The following RIMS2 variants were observed in gnomAD, a reference collection of about 807,000 sequenced individuals.
RIMS2 encodes regulating synaptic membrane exocytosis 2.
Under a neutral mutation model 174.4 loss-of-function variants are expected in RIMS2, and 59 were observed. That is an observed-to-expected ratio of 0.34 (90% CI 0.27 to 0.42). RIMS2 has a LOEUF of 0.42. Ranked by LOEUF, RIMS2 falls within the 10% of genes least tolerant of loss-of-function variation. The pLI, the probability that RIMS2 is intolerant of heterozygous loss-of-function variation, is 1.00. For missense variants in RIMS2, 1,620 were observed against 1,666.3 expected (o/e 0.97, Z 0.48); for synonymous variants, 606 against 572.5 (o/e 1.06, Z -0.84).
chr8:103,830,911 C>G (rs1193284859), intron 3 of RIMS2, among the ~76,000 whole-genome samples: 2 of 152,152 alleles, frequency 1.3e-5, no homozygotes, highest in Non-Finnish European at 2.9e-5. Flanking sequence ...CATGCTCAAG[C>G]AATCCTCCCA....
At chr8:103,592,693 A>G (rs560341898) in intron 1 of RIMS2, among the ~76,000 whole-genome samples, 3 of 151,506 alleles carry the variant, frequency 2.0e-5, no homozygotes, top group South Asian at 4.1e-4. Flanking sequence ...TTATATTTAC[A>G]TCTGGTGCAG....
intron 19 of RIMS2, among the ~76,000 whole-genome samples, chr8:104,194,488 A>G (rs556173689): frequency 6.6e-6 from 1 of 152,314 alleles, no homozygotes; most frequent in South Asian, 2.1e-4. Context: ...CGCTTTAGAT[A>G]TAGGGTGGGG....
chr8:103,993,492 C>T (rs939195237), intron 17 of RIMS2, among the ~76,000 whole-genome samples: 2 of 152,106 alleles, frequency 1.3e-5, no homozygotes, highest in Non-Finnish European at 2.9e-5. Flanking sequence ...GTAACTCGTA[C>T]TCATAACTAT....
At chr8:103,723,639 A>G (rs1316463478) in intron 2 of RIMS2, among the ~76,000 whole-genome samples, 1 of 152,146 alleles carries the variant, frequency 6.6e-6, no homozygotes, top group Non-Finnish European at 1.5e-5. Context: ...GGGTGCTGGC[A>G]TGGAGTCTGT....
intron 3 of RIMS2, among the ~76,000 whole-genome samples, chr8:103,861,364 C>A (rs1253418632): frequency 6.6e-6 from 1 of 152,098 alleles, no homozygotes; most frequent in African/African-American, 2.4e-5. Context: ...ACCACATTTT[C>A]TTTATACAAT....
At chr8:103,625,545 A>G (rs1164235967) in intron 1 of RIMS2, among the ~76,000 whole-genome samples, 1 of 152,186 alleles carries the variant, frequency 6.6e-6, no homozygotes, top group Non-Finnish European at 1.5e-5. Context: ...TAATTTGTTT[A>G]GTCCTCACAA....
intron 19 of RIMS2, among the ~76,000 whole-genome samples, chr8:104,196,641 AG>A (rs1033684926): frequency 1.3e-5 from 2 of 152,154 alleles, no homozygotes; most frequent in Non-Finnish European, 2.9e-5. Flanking sequence ...ACTGTGGTAC[AG>A]GATGTGTTTG....
At chr8:103,644,776 GT>G (rs2096293251) in intron 1 of RIMS2, among the ~76,000 whole-genome samples, 1 of 151,350 alleles carries the variant, frequency 6.6e-6, no homozygotes, top group South Asian at 2.1e-4. Context: ...ATATATAGAT[GT>G]TTTTACAAAA....
chr8:103,779,108 T>G (rs2098354605), intron 3 of RIMS2, among the ~76,000 whole-genome samples: 2 of 152,222 alleles, frequency 1.3e-5, no homozygotes, highest in Non-Finnish European at 2.9e-5. Context: ...GGTTTTTTGC[T>G]ACTGAGTTGT....
chr8:104,023,104 C>A (rs551190649), intron 19 of RIMS2, among the ~76,000 whole-genome samples: 1 of 152,088 alleles, frequency 6.6e-6, no homozygotes, highest in African/African-American at 2.4e-5. Flanking sequence ...TAAGGGAGGA[C>A]ATTGTTTTTT....
At chr8:103,730,851 A>G (rs2097583338) in intron 2 of RIMS2, among the ~76,000 whole-genome samples, 3 of 152,124 alleles carry the variant, frequency 2.0e-5, no homozygotes, top group African/African-American at 7.2e-5. Flanking sequence ...TTCACTGTGT[A>G]TTAGTTCATT....
intron 2 of RIMS2, among the ~76,000 whole-genome samples, chr8:103,723,636 G>A (rs2138545562): frequency 6.6e-6 from 1 of 152,316 alleles, no homozygotes; most frequent in Non-Finnish European, 1.5e-5. Context: ...TGTGGGTGCT[G>A]GCATGGAGTC....
intron 16 of RIMS2, among the ~76,000 whole-genome samples, chr8:103,981,008 C>G (rs1281863086): frequency 6.6e-6 from 1 of 152,196 alleles, no homozygotes; most frequent in Non-Finnish European, 1.5e-5. Context: ...GAACTTACCA[C>G]CCCGAAGAGA....
At chr8:103,733,968 T>C (rs2139018486) in intron 2 of RIMS2, among the ~76,000 whole-genome samples, 1 of 151,510 alleles carries the variant, frequency 6.6e-6, no homozygotes, top group African/African-American at 2.4e-5. Flanking sequence ...GAATGATCAC[T>C]GGAGGCTTCT....
chr8:104,062,406 C>G (rs138618812), intron 19 of RIMS2, among the ~76,000 whole-genome samples: 25 of 152,120 alleles, frequency 1.6e-4, no homozygotes, highest in African/African-American at 5.8e-4. Flanking sequence ...AACTCCATCT[C>G]AAAAAAATTT....
At chr8:103,780,183 C>T (rs1206689619) in intron 3 of RIMS2, among the ~76,000 whole-genome samples, 1 of 152,026 alleles carries the variant, frequency 6.6e-6, no homozygotes, top group Non-Finnish European at 1.5e-5. Context: ...TCTCTTTATC[C>T]TTTACCTTTG....
In RIMS2 at chr8:104,042,805, G is replaced by A. The variant is rs138592885; in HGVS notation, c.3334+28190G>A. 9.1e-4 allele frequency among the ~76,000 whole-genome samples: 138 copies of A among 151,502 alleles called. No homozygotes were observed. In the Middle Eastern group the frequency reaches 0.024, roughly 26 times the overall value. On this transcript the variant is annotated intron_variant, in intron 19 of 23. Coordinates refer to ENST00000504942, the Ensembl canonical transcript of RIMS2. ...GTCTGGAATTCAGGAGAGAAGTCTG[G>A]GCTAGAGACATAGATTAGGGTAGCA...
At chr8:104,094,398 T>G (rs1432235295) in intron 19 of RIMS2, 1 of 579,352 alleles carries the variant, frequency 1.7e-6, no homozygotes, top group African/African-American at 1.9e-5. Context: ...CCTTTCTGTT[T>G]AATTTCATAA....
intron 2 of RIMS2, among the ~76,000 whole-genome samples, chr8:103,712,340 G>T (rs1266719798): frequency 6.6e-6 from 1 of 151,960 alleles, no homozygotes; most frequent in African/African-American, 2.4e-5. Context: ...TTAAAAATAT[G>T]TAGGAGTATA....
Sources: allele counts gnomAD v4.1 joint callset (sites outside exome capture counted in the v4.1 genomes callset), GRCh38; gene constraint gnomAD v4.1.1; transcripts MANE v1.5; gene names NCBI Gene and HGNC (gene_info 2026-07-23, HGNC 2026-07-21).